Variants in MYCBP2 observed in about 807,000 individuals in gnomAD.
MYCBP2 encodes MYC binding protein 2.
A neutral mutation model predicts 525.3 loss-of-function variants in MYCBP2; 120 were observed. The ratio of observed to expected loss-of-function variants is 0.23; its 90% CI spans 0.20 to 0.27. The LOEUF (loss-of-function observed/expected upper bound fraction) is 0.27, where lower values mean the gene tolerates loss of function less well. MYCBP2 is among the 10% of genes least tolerant of loss of function. The probability of loss-of-function intolerance (pLI) is 1.00; values close to 1 mark genes in which losing one functional copy is unlikely to be tolerated. For synonymous variants in MYCBP2, 1,894 were observed against 1,955.8 expected, an observed-to-expected ratio of 0.97 and a Z score of 0.83; for missense variants, 4,149 against 5,657.1, an observed-to-expected ratio of 0.73 and a Z score of 8.55.
intron 32 of MYCBP2, among the ~76,000 whole-genome samples, chr13:77,184,064 G>T (rs916070194): frequency 8.6e-5 from 13 of 151,696 alleles, no homozygotes; most frequent in African/African-American, 3.2e-4. Context: ...TTTCCTTCTA[G>T]ATTCTTAACA....
At chr13:77,164,866 T>A (rs1208100323) in intron 42 of MYCBP2, among the ~76,000 whole-genome samples, 2 of 152,194 alleles carry the variant, frequency 1.3e-5, no homozygotes, top group Non-Finnish European at 2.9e-5. Flanking sequence ...TACTGTTTAC[T>A]CAGAAAGGTA....
chr13:77,077,424 C>G (rs1254103208), intron 66 of MYCBP2, 37 bp from the exon 67 acceptor site: 1 of 1,610,274 alleles, frequency 6.2e-7, no homozygotes, highest in Non-Finnish European at 8.5e-7. Context: ...CCTGATTCAG[C>G]TGGATCACTT....
At chr13:77,151,064 T>A in intron 46 of MYCBP2, 115 bp from the exon 47 acceptor site, 2 of 857,960 alleles carry the variant, frequency 2.3e-6, no homozygotes, top group Admixed American at 4.8e-5. Context: ...TTAGCATTGG[T>A]CTGTCTCTGG....
chr13:77,061,205 T>G lies in MYCBP2; in HGVS notation c.13000A>C (p.Thr4334Pro), dbSNP rs761687205. The change falls in exon 76 of 83, where the codon ACA becomes CCA. Residue 4334 changes from threonine to proline, a missense_variant. Coordinates refer to ENST00000544440, the MANE Select transcript of MYCBP2 (RefSeq NM_015057.5). ...CGGAATTCCACCATTGCCTTCATTG[T>G]TTTAGAATCTGCCAGTGCCATCAAC... ...FWLMALADSK[T>P]MKAMVEFREH... 1 of 1,611,708 alleles carries G rather than the reference T, an allele frequency of 6.2e-7. No homozygotes were observed. The highest frequency in any genetic ancestry group is 1.7e-5 in the Admixed American group (1 of 59,696).
chr13:77,145,513 G>A (rs1477371575), intron 48 of MYCBP2, among the ~76,000 whole-genome samples: 1 of 152,016 alleles, frequency 6.6e-6, no homozygotes, highest in Non-Finnish European at 1.5e-5. Flanking sequence ...TCTCAATATA[G>A]ATGATTCCCA....
intron 1 of MYCBP2, among the ~76,000 whole-genome samples, chr13:77,298,865 C>G (rs952739723): frequency 2.0e-5 from 3 of 152,172 alleles, no homozygotes; most frequent in Non-Finnish European, 4.4e-5. Context: ...AGAATCTACT[C>G]AACTACTAGC....
chr13:77,294,131 C>CATATACATATATATATATATACAT (rs1567182838), intron 2 of MYCBP2, among the ~76,000 whole-genome samples: 1 of 65,692 alleles, frequency 1.5e-5, no homozygotes, highest in East Asian at 3.8e-4. Flanking sequence ...TATATATATA[C>CATATACATATATATATATATACAT]ATATATATAT....
intron 20 of MYCBP2, among the ~76,000 whole-genome samples, chr13:77,222,551 G>T (rs1318023392): frequency 6.6e-6 from 1 of 152,112 alleles, no homozygotes; most frequent in Non-Finnish European, 1.5e-5. Context: ...AGGGTAGAGA[G>T]TGGTTCTCAT....
At chr13:77,077,494 A>C in intron 66 of MYCBP2, 107 bp from the exon 67 acceptor site, 1 of 1,339,370 alleles carries the variant, frequency 7.5e-7, no homozygotes, top group Admixed American at 2.1e-5. Context: ...AGAATTGCAC[A>C]GAGTAAAGGT....
chr13:77,174,935 T>A (rs1189004539), intron 36 of MYCBP2, among the ~76,000 whole-genome samples: 1 of 46,302 alleles, frequency 2.2e-5, no homozygotes, highest in African/African-American at 8.4e-5. Flanking sequence ...ATATATAATA[T>A]ATATATATTT....
At chr13:77,153,570 G>A (rs2056808210) in intron 46 of MYCBP2, among the ~76,000 whole-genome samples, 1 of 152,152 alleles carries the variant, frequency 6.6e-6, no homozygotes, top group South Asian at 2.1e-4. Context: ...TAGAGTCTAT[G>A]TGTGTATGCA....
At chr13:77,207,257 A>G (rs1432161544) in intron 23 of MYCBP2, among the ~76,000 whole-genome samples, 1 of 152,208 alleles carries the variant, frequency 6.6e-6, no homozygotes, top group African/African-American at 2.4e-5. Flanking sequence ...ATTGGCAAGG[A>G]CATGGAATGC....
At chr13:77,228,657 T>C (rs2066673258) in intron 18 of MYCBP2, among the ~76,000 whole-genome samples, 1 of 151,642 alleles carries the variant, frequency 6.6e-6, no homozygotes, top group Non-Finnish European at 1.5e-5. Context: ...CATTTAAGTA[T>C]GAGCACATCT....
chr13:77,078,949 G>A, intron 65 of MYCBP2, 60 bp from the exon 66 acceptor site: 1 of 1,397,906 alleles, frequency 7.2e-7, no homozygotes, highest in Non-Finnish European at 1.0e-6. Flanking sequence ...ACTTACAATG[G>A]TTTCTCATGA....
chr13:77,319,039 T>G (rs1357857202), intron 1 of MYCBP2, among the ~76,000 whole-genome samples: 1 of 152,186 alleles, frequency 6.6e-6, no homozygotes, highest in Non-Finnish European at 1.5e-5. Flanking sequence ...CCTTTAAAAT[T>G]CTGAAATATC....
intron 55 of MYCBP2, chr13:77,103,302 A>G (rs1233690681): frequency 2.5e-6 from 1 of 397,618 alleles, no homozygotes; most frequent in Non-Finnish European, 4.4e-6. Context: ...AGGTTGCGAG[A>G]TGGAGATTCT....
intron 23 of MYCBP2, among the ~76,000 whole-genome samples, chr13:77,207,702 A>C (rs1290479531): frequency 6.6e-6 from 1 of 152,206 alleles, no homozygotes; most frequent in Non-Finnish European, 1.5e-5. Flanking sequence ...AACTAGTAGC[A>C]TTAATATTAT....
At chr13:77,299,267 C>G (rs897213952) in intron 1 of MYCBP2, among the ~76,000 whole-genome samples, 3 of 152,158 alleles carry the variant, frequency 2.0e-5, no homozygotes, top group Admixed American at 2.0e-4. Context: ...TCTAATGGAA[C>G]TTCTTTAAAG....
chr13:77,309,778 C>T (rs764495472), intron 1 of MYCBP2, among the ~76,000 whole-genome samples: 2 of 152,120 alleles, frequency 1.3e-5, no homozygotes, highest in Non-Finnish European at 2.9e-5. Flanking sequence ...TAGAGATTAT[C>T]TTTATAAATT....
Sources: gnomAD v4.1 joint callset for allele counts (sites outside exome capture counted in the v4.1 genomes callset) on GRCh38, gnomAD v4.1.1 for gene constraint, MANE v1.5 for transcripts, NCBI Gene and HGNC (gene_info 2026-07-23, HGNC 2026-07-21) for gene names.